Variants in EFHC2 observed in about 807,000 individuals in gnomAD.
EFHC2 encodes the protein EF-hand domain-containing family member C2.
In EFHC2, 18 loss-of-function variants were observed where a neutral mutation model predicts 52.7. The observed-to-expected ratio is 0.34, with a 90% confidence interval of 0.24 to 0.51. EFHC2 has a LOEUF of 0.51. Among genes scored for constraint, EFHC2 ranks in the 20% least tolerant of loss-of-function variants. EFHC2 has a pLI of 0.97. For missense variants in EFHC2, 513 were observed against 562.5 expected (o/e 0.91, Z 0.89); for synonymous variants, 203 against 204.1 (o/e 0.99, Z 0.04).
At chrX:44,322,772 G>C (rs1032283643) in intron 1 of EFHC2, among the ~76,000 whole-genome samples, 3 of 112,131 alleles carry the variant, frequency 2.7e-5, no homozygotes, top group Non-Finnish European at 3.8e-5. Context: ...AGAGAACTGA[G>C]TCAGAGCTCC....
chrX:44,297,986 T>TAA (rs1200694380), intron 2 of EFHC2, among the ~76,000 whole-genome samples: 3 of 80,366 alleles, frequency 3.7e-5, no homozygotes, highest in East Asian at 3.7e-4. Flanking sequence ...AAAATAAAAT[T>TAA]AAAAAAAAAA....
At chrX:44,270,498 A>G (rs1173323080) in intron 3 of EFHC2, among the ~76,000 whole-genome samples, 1 of 111,747 alleles carries the variant, frequency 8.9e-6, no homozygotes, top group Non-Finnish European at 1.9e-5. Flanking sequence ...GATGTGTTAA[A>G]TAACAATAGG....
intron 11 of EFHC2, among the ~76,000 whole-genome samples, chrX:44,179,181 A>T (rs1396171513): frequency 9.0e-6 from 1 of 111,612 alleles, no homozygotes; most frequent in Non-Finnish European, 1.9e-5. Flanking sequence ...CTAAAAAAAA[A>T]AAACTAAACA....
intron 13 of EFHC2, among the ~76,000 whole-genome samples, chrX:44,170,283 C>T (rs1213626582): frequency 1.8e-5 from 2 of 111,073 alleles, no homozygotes; most frequent in Non-Finnish European, 1.9e-5. Context: ...CTGCCCGTAG[C>T]TTCCTGGGCC....
intron 2 of EFHC2, chrX:44,310,350 G>A (rs2037938532): frequency 1.1e-6 from 1 of 886,507 alleles, no homozygotes; most frequent in East Asian, 3.3e-5. Context: ...TTGCTGGCCA[G>A]AACCCGGGTC....
chrX:44,212,835 C>T (rs997125097), intron 11 of EFHC2, among the ~76,000 whole-genome samples: 11 of 110,586 alleles, frequency 9.9e-5, no homozygotes, highest in Non-Finnish European at 1.5e-4. Context: ...CCTCAGCCTC[C>T]GGAGTAGCTG....
intron 2 of EFHC2, among the ~76,000 whole-genome samples, chrX:44,280,001 C>T (rs1228108802): frequency 1.0e-5 from 1 of 99,597 alleles, no homozygotes; most frequent in Admixed American, 1.2e-4. Flanking sequence ...AGCCCCCCAA[C>T]CCCCGCCACA....
chrX:44,293,680 T>C (rs1210566705), intron 2 of EFHC2, among the ~76,000 whole-genome samples: 2 of 111,778 alleles, frequency 1.8e-5, no homozygotes, highest in South Asian at 3.7e-4. Flanking sequence ...ATAACCTCTA[T>C]ACATCACTTT....
rs1478653039 is a variant in EFHC2, at chrX:44,250,177, T to C, written c.858+17A>G. 1.7e-6 allele frequency: 2 copies of C among 1,203,730 alleles called. No individual in the cohort carries two copies. The highest frequency in any genetic ancestry group is 4.7e-4 in the Middle Eastern group (2 of 4,278). The stretch of plus-strand genomic sequence containing the variant: ...TGACCCACAAGCAAATTCAAAGTGG[T>C]TATATCCACTGCTCACCTTGGGTAG... On this transcript the variant is annotated intron_variant, in intron 5 of 14. Coordinates refer to ENST00000420999, the MANE Select transcript of EFHC2 (RefSeq NM_025184.4).
intron 11 of EFHC2, among the ~76,000 whole-genome samples, chrX:44,187,152 T>TATATATATATATATATATATATATATATA (rs59263247): frequency 2.0e-5 from 2 of 97,673 alleles, no homozygotes; most frequent in Non-Finnish European, 4.1e-5. Context: ...TATATATATA[T>TATATATATATATATATATATATATATATA]GGGCTTTACT....
chrX:44,270,010 C>T (rs1444917389), intron 3 of EFHC2, among the ~76,000 whole-genome samples: 2 of 111,620 alleles, frequency 1.8e-5, no homozygotes, highest in Non-Finnish European at 3.8e-5. Flanking sequence ...TTTTCTATTC[C>T]TACCATCATT....
intron 7 of EFHC2, among the ~76,000 whole-genome samples, chrX:44,245,329 G>A (rs899429510): frequency 3.6e-5 from 4 of 111,986 alleles, no homozygotes; most frequent in African/African-American, 1.3e-4. Context: ...CATTGTCCCA[G>A]CCACTAAGAA....
intron 8 of EFHC2, among the ~76,000 whole-genome samples, chrX:44,241,455 T>G (rs1200964195): frequency 8.9e-6 from 1 of 112,180 alleles, no homozygotes; most frequent in Non-Finnish European, 1.9e-5. Context: ...CAAATAACAC[T>G]TTTAAAAACA....
At chrX:44,252,398 A>G in intron 4 of EFHC2, among the ~76,000 whole-genome samples, 1 of 112,197 alleles carries the variant, frequency 8.9e-6, no homozygotes, top group Non-Finnish European at 1.9e-5. Flanking sequence ...GTCTAGGTGC[A>G]GTCTTAACCC....
At chrX:44,319,932 T>A (rs987311415) in intron 1 of EFHC2, among the ~76,000 whole-genome samples, 9 of 109,457 alleles carry the variant, frequency 8.2e-5, no homozygotes, top group African/African-American at 2.0e-4. Context: ...TTATTTATTT[T>A]TTTTATTTTT....
At chrX:44,209,040 T>C (rs1014832135) in intron 11 of EFHC2, among the ~76,000 whole-genome samples, 1 of 36,336 alleles carries the variant, frequency 2.8e-5, no homozygotes, top group African/African-American at 1.5e-4. Context: ...TGTGTGTGTG[T>C]GTGTGTGTGT....
At chrX:44,254,646 A>G (rs1019001599) in intron 4 of EFHC2, among the ~76,000 whole-genome samples, 3 of 112,299 alleles carry the variant, frequency 2.7e-5, no homozygotes, top group Admixed American at 9.4e-5. Flanking sequence ...CGTACGTTTG[A>G]TTGGTGTACC....
chrX:44,215,436 A>G (rs890449968), intron 11 of EFHC2, among the ~76,000 whole-genome samples: 12 of 109,073 alleles, frequency 1.1e-4, no homozygotes, highest in African/African-American at 4.0e-4. Context: ...AAACAAAAAA[A>G]TGATAGTTTC....
intron 1 of EFHC2, among the ~76,000 whole-genome samples, chrX:44,330,608 T>C (rs1277178082): frequency 9.0e-6 from 1 of 111,583 alleles, no homozygotes; most frequent in African/African-American, 3.3e-5. Context: ...AGGCAGAGAT[T>C]GCAGTGAGCC....
Sources: allele counts gnomAD v4.1 joint callset (sites outside exome capture counted in the v4.1 genomes callset), GRCh38; gene constraint gnomAD v4.1.1; transcripts MANE v1.5; gene names NCBI Gene and HGNC (gene_info 2026-07-23, HGNC 2026-07-21).